Variants in XRCC4 observed in about 807,000 individuals in gnomAD.
The protein encoded by XRCC4 is X-ray repair cross complementing 4, also known as DNA repair protein XRCC4.
XRCC4 carries 28 observed loss-of-function variants against 39.1 expected under a neutral mutation model. The observed-to-expected ratio is 0.72, with a 90% confidence interval of 0.53 to 0.98. The LOEUF (loss-of-function observed/expected upper bound fraction) is 0.98. Among genes scored for constraint, XRCC4 ranks in the 50% least tolerant of loss-of-function variants. XRCC4 has a pLI of 0.00. For missense variants in XRCC4, 350 were observed against 376.4 expected, an observed-to-expected ratio of 0.93 and a Z score of 0.58; for synonymous variants, 123 against 126.4, an observed-to-expected ratio of 0.97 and a Z score of 0.18.
intron 3 of XRCC4, among the ~76,000 whole-genome samples, chr5:83,181,069 G>A (rs1051045288): frequency 5.7e-5 from 7 of 123,660 alleles, no homozygotes; most frequent in African/African-American, 1.2e-4. Flanking sequence ...TTTTTTTTGC[G>A]AATTCTATTT....
At chr5:83,093,105 A>C (rs1296874628) in intron 1 of XRCC4, among the ~76,000 whole-genome samples, 1 of 152,112 alleles carries the variant, frequency 6.6e-6, no homozygotes, top group Admixed American at 6.6e-5. Flanking sequence ...ATATAGACTG[A>C]AAGTGAAGAA....
At chr5:83,279,110 T>C (rs1216980691) in intron 7 of XRCC4, among the ~76,000 whole-genome samples, 1 of 147,434 alleles carries the variant, frequency 6.8e-6, no homozygotes, top group Admixed American at 6.8e-5. Context: ...TATATATTTA[T>C]ATCTATATCA....
chr5:83,123,121 C>T (rs1747091613), intron 3 of XRCC4, among the ~76,000 whole-genome samples: 1 of 152,114 alleles, frequency 6.6e-6, no homozygotes, highest in South Asian at 2.1e-4. Context: ...TTAAAAGTGA[C>T]TGATAATGTA....
At chr5:83,261,886 T>C (rs1753764421) in intron 7 of XRCC4, among the ~76,000 whole-genome samples, 1 of 152,218 alleles carries the variant, frequency 6.6e-6, no homozygotes, top group Non-Finnish European at 1.5e-5. Flanking sequence ...ATTTTTTAAA[T>C]TTAACTGTTT....
intron 3 of XRCC4, among the ~76,000 whole-genome samples, chr5:83,140,859 A>G (rs891302738): frequency 7.9e-5 from 12 of 152,174 alleles, no homozygotes; most frequent in Admixed American, 3.3e-4. Context: ...AGAACTACCT[A>G]AAAAGGTATA....
chr5:83,258,140 A>C (rs1753616107), intron 6 of XRCC4, among the ~76,000 whole-genome samples: 1 of 152,154 alleles, frequency 6.6e-6, no homozygotes, highest in Non-Finnish European at 1.5e-5. Flanking sequence ...ATACATATGT[A>C]ACAAACCTGC....
At chr5:83,228,833 G>A (rs936612519) in intron 6 of XRCC4, among the ~76,000 whole-genome samples, 2 of 151,884 alleles carry the variant, frequency 1.3e-5, no homozygotes, top group Non-Finnish European at 1.5e-5. Flanking sequence ...GTGATATCCC[G>A]CTTTCCTTTT....
At chr5:83,225,501 T>C (rs1752252445) in intron 6 of XRCC4, among the ~76,000 whole-genome samples, 1 of 149,850 alleles carries the variant, frequency 6.7e-6, no homozygotes, top group Non-Finnish European at 1.5e-5. Flanking sequence ...TTATTTAGGA[T>C]CACAAAGCCC....
In XRCC4 at chr5:83,087,016, A is replaced by T. The variant is rs192766934; in HGVS notation, c.-11+9401A>T. Among the ~76,000 whole-genome samples, 5 of 152,296 alleles carry T rather than the reference A, an allele frequency of 3.3e-5. No individual in the cohort carries two copies. The East Asian group carries it at 5.8e-4, about 18-fold the overall frequency. ...TATAACCTCTAAACAAGGTTTAATT[A>T]AAAAATCAGGCATTTCTAGGCCAGG... On this transcript the variant is annotated intron_variant, in intron 1 of 7. Coordinates refer to ENST00000396027, the MANE Select transcript of XRCC4 (RefSeq NM_003401.5).
rs559079642 is a variant in XRCC4 at position 83,116,608 on chromosome 5, C to CTTT, written c.315+5434_315+5436dup. ...GAAAGAATTACCAGTTTCTCTCTCT[C>CTTT]TTTTTTTTTTTTTTTTTTTTTTTTT... On this transcript the variant is annotated intron_variant, in intron 3 of 7. Coordinates refer to ENST00000396027, the MANE Select transcript of XRCC4 (RefSeq NM_003401.5). 6.3e-4 allele frequency among the ~76,000 whole-genome samples: 65 copies of CTTT among 103,156 alleles called. 2 individuals carry two copies. The highest frequency in any genetic ancestry group is 6.0e-3 in the Middle Eastern group (1 of 166). 67.7% of individuals were successfully genotyped at this position (103,156 alleles called of 152,430 possible).
chr5:83,353,332 C>G lies in XRCC4; in HGVS notation c.*90C>G. ...AAGGAGAATTTCAAGTCAGCAGCCG[C>G]TATTACCGTATCTTACAATTTAATT... On this transcript the variant is annotated 3_prime_UTR_variant, in exon 8 of 8. Transcript: ENST00000396027. 1.0e-6 allele frequency: 1 copy of G among 996,342 alleles called. No homozygotes were observed. Among genetic ancestry groups the G allele is most frequent in the Non-Finnish European group, 1.5e-6 (1 of 674,956 alleles). The allele number at this position is 996,342 out of a possible 1,614,324, so 61.7% of individuals were successfully genotyped here.
chr5:83,120,995 C>T (rs1746983305), intron 3 of XRCC4, among the ~76,000 whole-genome samples: 1 of 152,188 alleles, frequency 6.6e-6, no homozygotes, highest in South Asian at 2.1e-4. Flanking sequence ...AGATTTCTGT[C>T]ATTATAGATT....
chr5:83,300,797 T>G (rs1755257804), intron 7 of XRCC4, among the ~76,000 whole-genome samples: 1 of 152,014 alleles, frequency 6.6e-6, no homozygotes, highest in African/African-American at 2.4e-5. Context: ...TTCTCATTGT[T>G]CAACTTCCAC....
chr5:83,201,085 A>G (rs1751170498), intron 4 of XRCC4: 1 of 152,210 alleles, frequency 6.6e-6, no homozygotes, highest in Non-Finnish European at 1.5e-5. Flanking sequence ...AAGATGAAAA[A>G]CATTACTTTT....
chr5:83,192,502 G>A (rs1750756935), intron 3 of XRCC4, among the ~76,000 whole-genome samples: 1 of 151,652 alleles, frequency 6.6e-6, no homozygotes, highest in Admixed American at 6.6e-5. Flanking sequence ...GTAGAGACAG[G>A]GTTTCACCAT....
chr5:83,161,414 G>T (rs1297919165), intron 3 of XRCC4, among the ~76,000 whole-genome samples: 2 of 152,142 alleles, frequency 1.3e-5, no homozygotes, highest in Non-Finnish European at 1.5e-5. Flanking sequence ...TTACAGGTGT[G>T]AGCCACCACG....
At chr5:83,104,865 G>A in intron 1 of XRCC4, 45 bp from the exon 2 acceptor site, 1 of 1,572,320 alleles carries the variant, frequency 6.4e-7, no homozygotes, top group Admixed American at 1.7e-5. Flanking sequence ...CATTATTTGA[G>A]TTACAGTTTC....
intron 3 of XRCC4, among the ~76,000 whole-genome samples, chr5:83,181,136 ATATTATC>A (rs1750188169): frequency 6.9e-6 from 1 of 145,512 alleles, no homozygotes; most frequent in Non-Finnish European, 1.5e-5. Context: ...TCAATTTTAG[ATATTATC>A]TATTATCTTT....
chr5:83,232,814 C>T (rs1464546369), intron 6 of XRCC4, among the ~76,000 whole-genome samples: 4 of 152,100 alleles, frequency 2.6e-5, no homozygotes, highest in Non-Finnish European at 5.9e-5. Context: ...AGATTCTGTG[C>T]AGCTAGTTGC....
Sources: allele counts gnomAD v4.1 joint callset (sites outside exome capture counted in the v4.1 genomes callset), GRCh38; gene constraint gnomAD v4.1.1; transcripts MANE v1.5; gene names NCBI Gene and HGNC (gene_info 2026-07-23, HGNC 2026-07-21).